CACNA1D: variants seen among roughly 807,000 people sequenced by gnomAD.
The protein encoded by CACNA1D is calcium voltage-gated channel subunit alpha1 D.
CACNA1D carries 55 observed loss-of-function variants against 257.1 expected under a neutral mutation model. The ratio of observed to expected loss-of-function variants is 0.21; its 90% CI spans 0.17 to 0.27. The LOEUF is 0.27. CACNA1D is among the 10% of genes least tolerant of loss of function. The pLI, the probability that CACNA1D is intolerant of heterozygous loss-of-function variation, is 1.00. For missense variants in CACNA1D, 1,876 were observed against 2,784.0 expected, an observed-to-expected ratio of 0.67 and a Z score of 7.34; for synonymous variants, 980 against 1,014.9, an observed-to-expected ratio of 0.97 and a Z score of 0.65.
At chr3:53,696,193 C>T (rs944415268) in intron 8 of CACNA1D, among the ~76,000 whole-genome samples, 3 of 152,188 alleles carry the variant, frequency 2.0e-5, no homozygotes, top group Non-Finnish European at 4.4e-5. Flanking sequence ...GTCTCGAACT[C>T]CTGGCCTCAA....
intron 9 of CACNA1D, among the ~76,000 whole-genome samples, chr3:53,712,791 G>A (rs1369115422): frequency 6.6e-6 from 1 of 152,276 alleles, no homozygotes; most frequent in East Asian, 1.9e-4. Flanking sequence ...TCCTGAGTGT[G>A]CAAAAAAGTC....
chr3:53,810,452 C>T (rs1173664796), intron 47 of CACNA1D, 154 bp downstream of exon 47: 34 of 769,712 alleles, frequency 4.4e-5, no homozygotes, highest in Admixed American at 1.0e-4. Flanking sequence ...GTACCTGAAG[C>T]ATGAGTAAAA....
chr3:53,495,058 G>T lies in CACNA1D; in HGVS notation c.-109G>T. ...CCCCCCTGCTGAAGCGAGAATAAGG[G>T]CAGGGACCGCGGCTCCTACCTCTTG... On this transcript the variant is annotated 5_prime_UTR_variant, in exon 1 of 48. Transcript: ENST00000350061. The surrounding 1 kb of genome is among the most constrained non-coding windows in gnomAD (Gnocchi z 5.1). 1.5e-6 allele frequency: 1 copy of T among 647,906 alleles called. No individual in the cohort carries two copies. Among genetic ancestry groups the T allele is most frequent in the South Asian group, 1.4e-5 (1 of 72,768 alleles). The allele number at this position is 647,906 out of a possible 1,614,324, so 40.1% of individuals were successfully genotyped here. A position where few individuals can be genotyped will look rare whatever the true frequency, so the allele number is the denominator to read the frequency against.
At chr3:53,547,646 G>C (rs889308841) in intron 3 of CACNA1D, among the ~76,000 whole-genome samples, 12 of 152,156 alleles carry the variant, frequency 7.9e-5, no homozygotes, top group African/African-American at 7.2e-5. Context: ...AGGAAGAAAC[G>C]AGGCAGGGAA....
At chr3:53,716,170 T>G (rs894282747) in intron 9 of CACNA1D, among the ~76,000 whole-genome samples, 3 of 152,230 alleles carry the variant, frequency 2.0e-5, no homozygotes, top group African/African-American at 7.2e-5. Context: ...GATAGCAAAC[T>G]GTTAAAGATG....
intron 9 of CACNA1D, among the ~76,000 whole-genome samples, chr3:53,703,690 C>T (rs2094651610): frequency 6.6e-6 from 1 of 152,222 alleles, no homozygotes; most frequent in African/African-American, 2.4e-5. Flanking sequence ...GGACCCGAGG[C>T]CGGCCCTACG....
At chr3:53,553,559 A>G (rs2092579044) in intron 3 of CACNA1D, among the ~76,000 whole-genome samples, 1 of 152,124 alleles carries the variant, frequency 6.6e-6, no homozygotes. Context: ...GACTTCCACC[A>G]TTTCTACGGG....
chr3:53,587,573 AAG>A (rs1360353443), intron 3 of CACNA1D, among the ~76,000 whole-genome samples: 1 of 152,160 alleles, frequency 6.6e-6, no homozygotes, highest in African/African-American at 2.4e-5. Context: ...TGGAGCTCCA[AAG>A]AGAGAAGTGG....
chr3:53,542,844 C>T (rs1200275571), intron 3 of CACNA1D, among the ~76,000 whole-genome samples: 2 of 151,928 alleles, frequency 1.3e-5, no homozygotes, highest in Non-Finnish European at 2.9e-5. Flanking sequence ...CACCTGAGGT[C>T]AGGAGTTCGA....
intron 3 of CACNA1D, among the ~76,000 whole-genome samples, chr3:53,598,748 C>T (rs1683117933): frequency 6.6e-6 from 1 of 152,210 alleles, no homozygotes; most frequent in Non-Finnish European, 1.5e-5. Context: ...GGCTAGCTAG[C>T]TGCAGAAGAA....
chr3:53,546,807 T>A (rs1398284401), intron 3 of CACNA1D, among the ~76,000 whole-genome samples: 2 of 152,210 alleles, frequency 1.3e-5, no homozygotes, highest in Non-Finnish European at 2.9e-5. Context: ...GAGACTCGAC[T>A]CTCCTGAATC....
chr3:53,621,432 G>A (rs902495578), intron 3 of CACNA1D, among the ~76,000 whole-genome samples: 3 of 152,216 alleles, frequency 2.0e-5, no homozygotes, highest in African/African-American at 7.2e-5. Context: ...GCTGGGGACA[G>A]TGGTGGCGAG....
intron 3 of CACNA1D, among the ~76,000 whole-genome samples, chr3:53,593,280 G>C (rs1224175720): frequency 6.6e-6 from 1 of 152,174 alleles, no homozygotes; most frequent in Non-Finnish European, 1.5e-5. Context: ...AATGATAAAA[G>C]GAATGAGGGA....
chr3:53,526,820 G>A (rs1466310616), intron 3 of CACNA1D, among the ~76,000 whole-genome samples: 1 of 152,176 alleles, frequency 6.6e-6, no homozygotes, highest in African/African-American at 2.4e-5. Context: ...GTAAGGCATG[G>A]CACCTGGAAC....
intron 3 of CACNA1D, among the ~76,000 whole-genome samples, chr3:53,640,739 G>A (rs1481424468): frequency 6.6e-6 from 1 of 152,184 alleles, no homozygotes; most frequent in East Asian, 1.9e-4. Context: ...GCTCTGGATG[G>A]CAAACAGTTT....
chr3:53,676,756 G>T (rs2094381045), intron 8 of CACNA1D, among the ~76,000 whole-genome samples: 1 of 152,180 alleles, frequency 6.6e-6, no homozygotes, highest in Non-Finnish European at 1.5e-5. Flanking sequence ...GTAAAGTGTT[G>T]TAACACTGAT....
intron 9 of CACNA1D, among the ~76,000 whole-genome samples, chr3:53,716,295 G>A (rs1396163481): frequency 6.6e-6 from 1 of 152,242 alleles, no homozygotes; most frequent in Non-Finnish European, 1.5e-5. Flanking sequence ...CAGGCCTGTG[G>A]GTTCCCCACA....
chr3:53,528,303 A>G (rs988571847), intron 3 of CACNA1D, among the ~76,000 whole-genome samples: 3 of 152,210 alleles, frequency 2.0e-5, no homozygotes, highest in Middle Eastern at 3.4e-3. Context: ...TCCTCATTTA[A>G]TTGCTTTGGT....
At chr3:53,667,068 T>A (rs894851532) in intron 7 of CACNA1D, among the ~76,000 whole-genome samples, 1 of 152,196 alleles carries the variant, frequency 6.6e-6, no homozygotes, top group Non-Finnish European at 1.5e-5. Flanking sequence ...TCCCATTCTT[T>A]AGTATTACTA....
Sources: gnomAD v4.1 joint callset for allele counts (sites outside exome capture counted in the v4.1 genomes callset) on GRCh38, gnomAD v4.1.1 for gene constraint, Gnocchi (gnomAD v3.1) non-coding constraint, MANE v1.5 for transcripts, NCBI Gene and HGNC (gene_info 2026-07-23, HGNC 2026-07-21) for gene names.